KCNQ1: variants seen among roughly 807,000 people sequenced by gnomAD.
KCNQ1 encodes the protein potassium voltage-gated channel subfamily Q member 1.
In KCNQ1, 49 loss-of-function variants were observed where a neutral mutation model predicts 72.4. The ratio of observed to expected loss-of-function variants is 0.68; its 90% CI spans 0.54 to 0.86. KCNQ1 has a LOEUF of 0.86. Among genes scored for constraint, KCNQ1 ranks in the 40% least tolerant of loss-of-function variants. The pLI, the probability that KCNQ1 is intolerant of heterozygous loss-of-function variation, is 0.00. For synonymous variants in KCNQ1, 450 were observed against 412.6 expected (o/e 1.09, Z -1.10); for missense variants, 790 against 945.1 (o/e 0.84, Z 2.15).
At position 2,550,609 on chromosome 11, in the gene KCNQ1, AG is replaced by A. The variant is rs1256896345; in HGVS notation, c.478-20014del. 6.6e-6 allele frequency among the ~76,000 whole-genome samples: 1 copy of A among 152,078 alleles called. No individual in the cohort carries two copies. The highest frequency in any genetic ancestry group is 6.5e-5 in the Admixed American group (1 of 15,280). On this transcript the variant is annotated intron_variant, in intron 2 of 15. Coordinates refer to ENST00000155840, the MANE Select transcript of KCNQ1 (RefSeq NM_000218.3). The surrounding 1 kb of genome is among the most constrained non-coding windows in gnomAD (Gnocchi z 6.0). The stretch of plus-strand genomic sequence containing the variant: ...AACACGTGAGCTGAGTGACCGGAAG[AG>A]GGGGCGCCTCCCTGAGCAGGTGAAT...
At chr11:2,644,298 G>A (rs1233583762) in intron 10 of KCNQ1, 2 of 398,126 alleles carry the variant, frequency 5.0e-6, no homozygotes, top group Non-Finnish European at 4.4e-6. Context: ...ATTTTTGTCT[G>A]AGTCATTTCA....
rs1240437270 is a variant in KCNQ1 at position 2,768,596 on chromosome 11, T to C, written c.1515-248T>C. Among the ~76,000 whole-genome samples the C allele has an allele frequency of 1.3e-5, 2 of 152,152 alleles. No homozygotes were observed. The highest frequency in any genetic ancestry group is 2.9e-5 in the Non-Finnish European group (2 of 68,022). The stretch of plus-strand genomic sequence containing the variant: ...TACCTGACCCCCTTCTGAATGACAC[T>C]CAAGGTAAGGGTCCCCTTCCCACTC... On this transcript the variant is annotated intron_variant, in intron 11 of 15. Transcript: ENST00000155840. The surrounding 1 kb of genome is among the most constrained non-coding windows in gnomAD (Gnocchi z 6.7).
intron 11 of KCNQ1, among the ~76,000 whole-genome samples, chr11:2,736,811 C>T (rs977224559): frequency 7.2e-5 from 11 of 152,254 alleles, no homozygotes; most frequent in African/African-American, 2.7e-4. Context: ...TCTGCTGGGC[C>T]TGGTGGGGCC....
chr11:2,540,233 C>G (rs1482656618), intron 2 of KCNQ1, among the ~76,000 whole-genome samples: 1 of 152,182 alleles, frequency 6.6e-6, no homozygotes, highest in Non-Finnish European at 1.5e-5. Context: ...GGGGAACCCC[C>G]TAGAGGGCAT....
intron 11 of KCNQ1, chr11:2,667,617 A>T (rs922697438): frequency 5.0e-6 from 2 of 398,436 alleles, no homozygotes; most frequent in African/African-American, 4.1e-5. Flanking sequence ...TCCCATATAG[A>T]TCTCTTGTGT....
At chr11:2,694,976 A>G in intron 11 of KCNQ1, 1 of 398,724 alleles carries the variant, frequency 2.5e-6, no homozygotes, top group East Asian at 3.6e-5. Flanking sequence ...AACAAAGAAG[A>G]AGAAGGCTGG....
At chr11:2,521,119 C>G (rs1847375237) in intron 1 of KCNQ1, among the ~76,000 whole-genome samples, 1 of 152,112 alleles carries the variant, frequency 6.6e-6, no homozygotes, top group Admixed American at 6.5e-5. Context: ...GGTCACGGCC[C>G]AGTGGCAATA....
In KCNQ1 at chr11:2,687,628, C is replaced by G. The variant is rs944764809; in HGVS notation, c.1514+25547C>G. 1 of 398,612 alleles carries G rather than the reference C, an allele frequency of 2.5e-6. No individual in the cohort carries two copies. Among genetic ancestry groups the G allele is most frequent in the Non-Finnish European group, 4.4e-6 (1 of 226,160 alleles). The allele number at this position is 398,612 out of a possible 1,614,324, so 24.7% of individuals were successfully genotyped here. The stretch of plus-strand genomic sequence containing the variant: ...GCAGAGATCCCTTCTCCATTCCTCT[C>G]AGGCCCCTGTAAAAATTGGGACCTG... On this transcript the variant is annotated intron_variant, in intron 11 of 15. Coordinates refer to ENST00000155840, the MANE Select transcript of KCNQ1 (RefSeq NM_000218.3). This position sits in a 1 kb window ranked among gnomAD's most constrained non-coding sequence, Gnocchi z 5.0.
intron 1 of KCNQ1, among the ~76,000 whole-genome samples, chr11:2,452,105 T>C (rs946341419): frequency 6.6e-6 from 1 of 152,190 alleles, no homozygotes; most frequent in Non-Finnish European, 1.5e-5. Context: ...GAGTGCAGGT[T>C]CCCTGGGGGC....
intron 14 of KCNQ1, chr11:2,777,619 C>CGGT (rs1846733081): frequency 1.7e-6 from 1 of 571,612 alleles, no homozygotes; most frequent in East Asian, 2.9e-5. Flanking sequence ...AACGGAGCAG[C>CGGT]GGAATGGCTG....
chr11:2,699,552 G>C, intron 11 of KCNQ1: 1 of 320,870 alleles, frequency 3.1e-6, no homozygotes, highest in East Asian at 5.4e-5. Context: ...GGAGGACCGC[G>C]CGGAGGAGAA....
At chr11:2,699,241 A>G (rs765138151) in intron 11 of KCNQ1, 7 of 398,674 alleles carry the variant, frequency 1.8e-5, no homozygotes, top group East Asian at 1.1e-4. Context: ...CACGCTGTCC[A>G]TAAGGTGCAG....
rs16928438 is a variant in KCNQ1, at chr11:2,547,753, G to A, written c.477+19735G>A. 0.012 allele frequency among the ~76,000 whole-genome samples: 1,832 copies of A among 152,260 alleles called. 39 individuals are homozygous for A. The highest frequency in any genetic ancestry group is 0.042 in the African/African-American group (1,730 of 41,542). Reference sequence around the variant, plus strand: ...GGGTGGACTACTGACTACTTCGCGGGTAAGAAATGGTGAGTGGCATGGAAG... The same window carrying A: ...GGGTGGACTACTGACTACTTCGCGGATAAGAAATGGTGAGTGGCATGGAAG... On this transcript the variant is annotated intron_variant, in intron 2 of 15. Transcript: ENST00000155840. The surrounding 1 kb of genome is among the most constrained non-coding windows in gnomAD (Gnocchi z 4.2).
Position 2,446,803 on chromosome 11 carries a change from G to C in KCNQ1, c.386+1319G>C, listed in dbSNP as rs1180318254. Among the ~76,000 whole-genome samples the C allele has an allele frequency of 6.6e-6, 1 of 152,220 alleles. No homozygotes were observed. Among genetic ancestry groups the C allele is most frequent in the African/African-American group, 2.4e-5 (1 of 41,464 alleles). ...GTCAGTGGGTGCCTGAGCCACAGCCGCTGCTGGTCTGTGAGAGGAGCTGGC... is the reference window on the plus strand; with the variant it reads ...GTCAGTGGGTGCCTGAGCCACAGCCCCTGCTGGTCTGTGAGAGGAGCTGGC... On this transcript the variant is annotated intron_variant, in intron 1 of 15. Transcript: ENST00000155840. This position sits in a 1 kb window ranked among gnomAD's most constrained non-coding sequence, Gnocchi z 8.8.
rs1447316854 is a variant in KCNQ1, at chr11:2,733,846, T to TCA, written c.1515-34997_1515-34996insAC. Among the ~76,000 whole-genome samples, 254 of 52,380 alleles carry TCA rather than the reference T, an allele frequency of 4.8e-3. 18 individuals are homozygous for TCA. The highest frequency in any genetic ancestry group is 6.3e-3 in the Non-Finnish European group (174 of 27,816). The allele number at this position is 52,380 out of a possible 152,430, so 34.4% of individuals were successfully genotyped here. A position where few individuals can be genotyped will look rare whatever the true frequency, so the allele number is the denominator to read the frequency against. On this transcript the variant is annotated intron_variant, in intron 11 of 15. Transcript: ENST00000155840. ...CACTCTCTCTCTCTCTCTCTCTCTCTCTCTCTCTCTCCCCCCCCACTTCAG... is the reference window on the plus strand; with the variant it reads ...CACTCTCTCTCTCTCTCTCTCTCTCTCACTCTCTCTCTCCCCCCCCACTTCAG...
chr11:2,500,894 G>A (rs1488522617), intron 1 of KCNQ1, among the ~76,000 whole-genome samples: 1 of 151,786 alleles, frequency 6.6e-6, no homozygotes, highest in African/African-American at 2.4e-5. Context: ...GCAAGGGGAG[G>A]GAGGGAATTA....
In KCNQ1 at chr11:2,746,035, G is replaced by C. The variant is rs1846134621; in HGVS notation, c.1515-22809G>C. Reference sequence around the variant, plus strand: ...CTCCTGAGTAGCTGGGACTACAGGTGTGCGCCACCACACCTAGCTAATTTT... The same window carrying C: ...CTCCTGAGTAGCTGGGACTACAGGTCTGCGCCACCACACCTAGCTAATTTT... On this transcript the variant is annotated intron_variant, in intron 11 of 15. Transcript: ENST00000155840. This position sits in a 1 kb window ranked among gnomAD's most constrained non-coding sequence, Gnocchi z 5.9. Among the ~76,000 whole-genome samples the C allele has an allele frequency of 6.6e-6, 1 of 152,148 alleles. No homozygotes were observed. The highest frequency in any genetic ancestry group is 2.4e-5 in the African/African-American group (1 of 41,418).
In KCNQ1 at chr11:2,678,301, C is replaced by G; in HGVS notation, c.1514+16220C>G. On this transcript the variant is annotated intron_variant, in intron 11 of 15. Transcript: ENST00000155840. The surrounding 1 kb of genome is among the most constrained non-coding windows in gnomAD (Gnocchi z 4.9). ...GTTTTAATAAATTCTTCCATGTTTT[C>G]TTCTATCATTTTTTATTTCATTTTT... The G allele has an allele frequency of 5.0e-6, 2 of 398,304 alleles. No individual in the cohort carries two copies. The highest frequency in any genetic ancestry group is 8.9e-6 in the Non-Finnish European group (2 of 225,968). The allele number at this position is 398,304 out of a possible 1,614,324, so 24.7% of individuals were successfully genotyped here. A position where few individuals can be genotyped will look rare whatever the true frequency, so the allele number is the denominator to read the frequency against.
In KCNQ1 at chr11:2,769,919, G is replaced by A. The variant is rs1315822472; in HGVS notation, c.1590+1000G>A. Among the ~76,000 whole-genome samples, 1 of 152,034 alleles carries A rather than the reference G, an allele frequency of 6.6e-6. No homozygotes were observed. Among genetic ancestry groups the A allele is most frequent in the Non-Finnish European group, 1.5e-5 (1 of 67,968 alleles). On this transcript the variant is annotated intron_variant, in intron 12 of 15. Transcript: ENST00000155840. The surrounding 1 kb of genome is among the most constrained non-coding windows in gnomAD (Gnocchi z 4.6). Reference sequence around the variant, plus strand: ...CCGCCGACCACCAGGACCCACAGTCGGTGGCATCCCAGCCCACCAAGACTT... The same window carrying A: ...CCGCCGACCACCAGGACCCACAGTCAGTGGCATCCCAGCCCACCAAGACTT...
Sources: allele counts gnomAD v4.1 joint callset (sites outside exome capture counted in the v4.1 genomes callset), GRCh38; gene constraint gnomAD v4.1.1; non-coding constraint Gnocchi (gnomAD v3.1); transcripts MANE v1.5; gene names NCBI Gene and HGNC (gene_info 2026-07-23, HGNC 2026-07-21).